VPS13D: variants seen among roughly 807,000 people sequenced by gnomAD.
VPS13D encodes the protein vacuolar protein sorting 13 homolog D, also known as intermembrane lipid transfer protein VPS13D.
Under a neutral mutation model 461.9 loss-of-function variants are expected in VPS13D, and 187 were observed. The ratio of observed to expected loss-of-function variants is 0.40; its 90% CI spans 0.36 to 0.46. The LOEUF (loss-of-function observed/expected upper bound fraction) is 0.46. Ranked by LOEUF, VPS13D falls within the 20% of genes least tolerant of loss-of-function variation. The pLI is 0.60. For synonymous variants in VPS13D, 1,951 were observed against 1,986.3 expected (o/e 0.98, Z 0.47); for missense variants, 4,711 against 5,364.9 (o/e 0.88, Z 3.81).
At position 12,363,034 on chromosome 1, in the gene VPS13D, G is replaced by T. The variant is rs753849565; in HGVS notation, c.10273-38G>T. 3 of 1,608,554 alleles carry T rather than the reference G, an allele frequency of 1.9e-6. No individual in the cohort carries two copies. In the South Asian group the frequency reaches 3.3e-5, roughly 18 times the overall value. ...TCAGTAACACTTATTGTCATGAATCGACTTGTTGACTAAAGCCTGTGATCC... is the reference window on the plus strand; with the variant it reads ...TCAGTAACACTTATTGTCATGAATCTACTTGTTGACTAAAGCCTGTGATCC... On this transcript the variant is annotated intron_variant, in intron 51 of 69. Coordinates refer to ENST00000620676, the MANE Select transcript of VPS13D (RefSeq NM_015378.4).
At chr1:12,394,925 A>G (rs1644475296) in intron 60 of VPS13D, among the ~76,000 whole-genome samples, 1 of 152,142 alleles carries the variant, frequency 6.6e-6, no homozygotes, top group Admixed American at 6.5e-5. Context: ...TCCTTCCACT[A>G]TTATCCCATA....
chr1:12,365,632 A>G (rs1435158030), intron 52 of VPS13D, among the ~76,000 whole-genome samples: 3 of 150,728 alleles, frequency 2.0e-5, no homozygotes, highest in Non-Finnish European at 4.4e-5. Flanking sequence ...TGAACCCAGG[A>G]GGCGGAGGTT....
Position 12,283,492 on chromosome 1 carries a change from C to A in VPS13D, c.5390C>A (p.Pro1797Gln). 6.2e-7 allele frequency: 1 copy of A among 1,614,190 alleles called. No homozygotes were observed. Among genetic ancestry groups the A allele is most frequent in the Non-Finnish European group, 8.5e-7 (1 of 1,180,026 alleles). The change falls in exon 21 of 70, where the codon CCA becomes CAA. Residue 1797 changes from proline (P) to glutamine (Q), a missense_variant. Coordinates refer to ENST00000620676, the MANE Select transcript of VPS13D (RefSeq NM_015378.4). The part of the protein sequence containing the change: ...INIFLVDKKH[P>Q]EFSSSYNRVN... ...ATATTCTTGGTAGATAAGAAACATC[C>A]AGAATTCTCTTCCAGTTACAATCGA...
At chr1:12,430,894 CA>C (rs1158389177) in intron 65 of VPS13D, among the ~76,000 whole-genome samples, 3 of 152,136 alleles carry the variant, frequency 2.0e-5, no homozygotes, top group Admixed American at 2.0e-4. Context: ...ATTTTGTGTC[CA>C]GTAGAATTAG....
intron 25 of VPS13D, among the ~76,000 whole-genome samples, chr1:12,301,096 G>A (rs1337469327): frequency 2.6e-5 from 4 of 152,206 alleles, no homozygotes; most frequent in African/African-American, 9.6e-5. Context: ...GCTGCCATTT[G>A]CTGAATGCTT....
chr1:12,242,400 C>A, intron 2 of VPS13D, 113 bp from the exon 3 acceptor site: 1 of 893,044 alleles, frequency 1.1e-6, no homozygotes. Flanking sequence ...CTTCACATGA[C>A]GTAGCCTATT....
chr1:12,356,658 A>G (rs752317738), intron 49 of VPS13D, 134 bp downstream of exon 49: 116 of 1,165,744 alleles, frequency 1.0e-4, no homozygotes, highest in Non-Finnish European at 1.3e-4. Flanking sequence ...GAATAGAACC[A>G]TGACCTAATG....
chr1:12,495,958 AGTC>A lies in VPS13D; in HGVS notation c.12663-1538_12663-1536del, dbSNP rs1645951309. Among the ~76,000 whole-genome samples, 1 of 152,216 alleles carries A rather than the reference AGTC, an allele frequency of 6.6e-6. No individual in the cohort carries two copies. Among genetic ancestry groups the A allele is most frequent in the South Asian group, 2.1e-4 (1 of 4,832 alleles). ...AGGTTACCAGCATCCTCTCGGCAGC[AGTC>A]GTCCAGCTTCTCTCCTGATGGGTTA... is the stretch of plus-strand genomic sequence containing the variant. On this transcript the variant is annotated intron_variant, in intron 67 of 69. Coordinates refer to ENST00000620676, the MANE Select transcript of VPS13D (RefSeq NM_015378.4). The surrounding 1 kb of genome is among the most constrained non-coding windows in gnomAD (Gnocchi z 4.0).
At chr1:12,285,283 TATTTATTTA>T (rs1641928177) in intron 21 of VPS13D, among the ~76,000 whole-genome samples, 1 of 149,246 alleles carries the variant, frequency 6.7e-6, no homozygotes, top group African/African-American at 2.5e-5. Flanking sequence ...TTTATTTATT[TATTTATTTA>T]TTTATTTTTT....
intron 21 of VPS13D, among the ~76,000 whole-genome samples, chr1:12,284,999 C>T (rs1641918047): frequency 6.6e-6 from 1 of 152,136 alleles, no homozygotes; most frequent in African/African-American, 2.4e-5. Context: ...TGATGATCTG[C>T]GTCAGGAACT....
At chr1:12,293,799 G>GT (rs1642198678) in intron 24 of VPS13D, 95 bp downstream of exon 24, 1 of 1,302,702 alleles carries the variant, frequency 7.7e-7, no homozygotes, top group Non-Finnish European at 1.0e-6. Flanking sequence ...GTAAAGGTAA[G>GT]TTATCCTTGC....
At chr1:12,446,489 A>G (rs903375602) in intron 65 of VPS13D, among the ~76,000 whole-genome samples, 9 of 152,012 alleles carry the variant, frequency 5.9e-5, no homozygotes, top group African/African-American at 9.7e-5. Context: ...TGAACTTTCA[A>G]AATCTTCTTT....
chr1:12,455,706 G>A (rs192993957), intron 65 of VPS13D, among the ~76,000 whole-genome samples: 7 of 152,158 alleles, frequency 4.6e-5, no homozygotes, highest in Admixed American at 3.9e-4. Flanking sequence ...ATCACTTGAG[G>A]TCAGGAGTTC....
At chr1:12,331,271 C>T (rs1643325360) in intron 37 of VPS13D, among the ~76,000 whole-genome samples, 1 of 152,188 alleles carries the variant, frequency 6.6e-6, no homozygotes, top group South Asian at 2.1e-4. Context: ...AAACCTCCGA[C>T]GGCCTGCTCC....
chr1:12,322,934 A>G (rs1451941928), intron 34 of VPS13D, among the ~76,000 whole-genome samples, 188 bp downstream of exon 34: 1 of 152,128 alleles, frequency 6.6e-6, no homozygotes. Context: ...TCCCTAACCA[A>G]CTACTCCACT....
rs554496205 is a variant in VPS13D, at chr1:12,498,745, T to TG, written c.12794+1119dup. 5.9e-5 allele frequency among the ~76,000 whole-genome samples: 9 copies of TG among 152,296 alleles called. 1 individual carries two copies. In the South Asian group the frequency reaches 1.9e-3, roughly 32 times the overall value. On this transcript the variant is annotated intron_variant, in intron 68 of 69. Coordinates refer to ENST00000620676, the MANE Select transcript of VPS13D (RefSeq NM_015378.4). ...AGGCATCTTCTGATTCTGCTGCTGC[T>TG]GGGGGTTCTCTTCCTGGCTTGCAGA...
intron 57 of VPS13D, among the ~76,000 whole-genome samples, chr1:12,382,061 TTCTC>T (rs974545385): frequency 2.0e-5 from 3 of 150,538 alleles, no homozygotes; most frequent in African/African-American, 4.9e-5. Flanking sequence ...CTTCCCTTTC[TTCTC>T]TCTCTTTCTT....
At chr1:12,262,136 C>A (rs771009051) in intron 13 of VPS13D, 56 bp downstream of exon 13, 172 of 1,537,520 alleles carry the variant, frequency 1.1e-4, no homozygotes, top group Non-Finnish European at 1.2e-4. Context: ...GGCCAATGTC[C>A]AGGCGATTCT....
chr1:12,255,129 AGAGACG>A (rs1174279066), intron 7 of VPS13D, among the ~76,000 whole-genome samples: 1 of 151,978 alleles, frequency 6.6e-6, no homozygotes, highest in Admixed American at 6.6e-5. Context: ...TATTTTTAGT[AGAGACG>A]AGGTTTCGCC....
Sources: allele counts gnomAD v4.1 joint callset (sites outside exome capture counted in the v4.1 genomes callset), GRCh38; gene constraint gnomAD v4.1.1; non-coding constraint Gnocchi (gnomAD v3.1); transcripts MANE v1.5; gene names NCBI Gene and HGNC (gene_info 2026-07-23, HGNC 2026-07-21).